MYEOV: variants seen among roughly 807,000 people sequenced by gnomAD.
MYEOV encodes the protein myeloma overexpressed, also known as myeloma-overexpressed gene protein.
A neutral mutation model predicts 4.5 loss-of-function variants in MYEOV; 4 were observed. That is an observed-to-expected ratio of 0.89 (90% CI 0.44 to 2.03). MYEOV has a LOEUF of 2.03. Ranked by LOEUF, MYEOV falls within the 30% of genes most tolerant of loss-of-function variation. MYEOV has a pLI of 0.03. For missense variants in MYEOV, 408 were observed against 412.8 expected, an observed-to-expected ratio of 0.99 and a Z score of 0.10; for synonymous variants, 184 against 170.3, an observed-to-expected ratio of 1.08 and a Z score of -0.63.
rs1855221823 is a variant in MYEOV, at chr11:69,297,172, C to G, written c.*780C>G. On this transcript the variant is annotated 3_prime_UTR_variant, in exon 3 of 3. Coordinates refer to ENST00000441339, the MANE Select transcript of MYEOV (RefSeq NM_001293291.2). Reference sequence around the variant, plus strand: ...CACCACATTAGCTCAGGGGTTTGGGCATTTTTGTCGCCGTCTCCTTTGGGC... The same window carrying G: ...CACCACATTAGCTCAGGGGTTTGGGGATTTTTGTCGCCGTCTCCTTTGGGC... 1 of 152,240 alleles carries G rather than the reference C, an allele frequency of 6.6e-6. No individual in the cohort carries two copies. The highest frequency in any genetic ancestry group is 2.4e-5 in the African/African-American group (1 of 41,450). The allele number at this position is 152,240 out of a possible 1,614,324, so 9.4% of individuals were successfully genotyped here.
In MYEOV at chr11:69,296,057, C is replaced by G. The variant is rs779920752; in HGVS notation, c.607C>G (p.Leu203Val). 2 of 1,614,028 alleles carry G rather than the reference C, an allele frequency of 1.2e-6. No individual in the cohort carries two copies. The highest frequency in any genetic ancestry group is 1.7e-6 in the Non-Finnish European group (2 of 1,180,038). The change falls in exon 3 of 3, where the codon CTG becomes GTG. Residue 203 changes from leucine (L) to valine (V), a missense_variant. Transcript: ENST00000441339. ...TATGTGGGCGCGAATGGATGTGGCT[C>G]TGCGCTCACCTGGGCGAGGACTTCT... ...EIMWARMDVA[L>V]RSPGRGLLAG...
chr11:69,294,951 G>A (rs1233480273), intron 1 of MYEOV, among the ~76,000 whole-genome samples: 1 of 152,220 alleles, frequency 6.6e-6, no homozygotes, highest in Non-Finnish European at 1.5e-5. Flanking sequence ...CGTCCCCATG[G>A]TCCCTAGAGG....
rs1261710875 is a variant in MYEOV at position 69,296,463 on chromosome 11, C to G, written c.*71C>G. On this transcript the variant is annotated 3_prime_UTR_variant, in exon 3 of 3. Coordinates refer to ENST00000441339, the MANE Select transcript of MYEOV (RefSeq NM_001293291.2). Reference sequence around the variant, plus strand: ...TCCTCAGAATGACTCCATGAGGTAGCTACTAAAACCCCCCACTTAACAGAT... The same window carrying G: ...TCCTCAGAATGACTCCATGAGGTAGGTACTAAAACCCCCCACTTAACAGAT... 6.9e-6 allele frequency: 7 copies of G among 1,011,486 alleles called. No individual in the cohort carries two copies. In the African/African-American group the frequency reaches 9.8e-5, roughly 14 times the overall value. 62.7% of individuals were successfully genotyped at this position (1,011,486 alleles called of 1,614,324 possible).
In MYEOV at chr11:69,295,117, C is replaced by A. The variant is rs537572776; in HGVS notation, c.-122-116C>A. The A allele has an allele frequency of 1.6e-6, 1 of 608,490 alleles. No homozygotes were observed. Among genetic ancestry groups the A allele is most frequent in the Non-Finnish European group, 2.8e-6 (1 of 363,064 alleles). 37.7% of individuals were successfully genotyped at this position (608,490 alleles called of 1,614,324 possible). On this transcript the variant is annotated intron_variant, in intron 1 of 2. Transcript: ENST00000441339. The surrounding 1 kb of genome is among the most constrained non-coding windows in gnomAD (Gnocchi z 4.1). ...TCATGAGGTGAAAACGTGAAGGGACCCTAGAGGCCATGGGGACCCAGGCAC... is the reference window on the plus strand; with the variant it reads ...TCATGAGGTGAAAACGTGAAGGGACACTAGAGGCCATGGGGACCCAGGCAC...
Position 69,296,467 on chromosome 11 carries a change from T to A in MYEOV, c.*75T>A. On this transcript the variant is annotated 3_prime_UTR_variant, in exon 3 of 3. Coordinates refer to ENST00000441339, the MANE Select transcript of MYEOV (RefSeq NM_001293291.2). Reference sequence around the variant, plus strand: ...CAGAATGACTCCATGAGGTAGCTACTAAAACCCCCCACTTAACAGATGAGG... The same window carrying A: ...CAGAATGACTCCATGAGGTAGCTACAAAAACCCCCCACTTAACAGATGAGG... 1 of 984,266 alleles carries A rather than the reference T, an allele frequency of 1.0e-6. No individual in the cohort carries two copies. Among genetic ancestry groups the A allele is most frequent in the Non-Finnish European group, 1.4e-6 (1 of 689,876 alleles). The allele number at this position is 984,266 out of a possible 1,614,324, so 61.0% of individuals were successfully genotyped here. A position where few individuals can be genotyped will look rare whatever the true frequency, so the allele number is the denominator to read the frequency against.
chr11:69,295,924 G>T lies in MYEOV; in HGVS notation c.474G>T (p.Arg158Ser), dbSNP rs775458770. 1 of 1,614,156 alleles carries T rather than the reference G, an allele frequency of 6.2e-7. No homozygotes were observed. The highest frequency in any genetic ancestry group is 8.5e-7 in the Non-Finnish European group (1 of 1,180,018). Residue 158 changes from arginine to serine, a missense_variant, in exon 3 of 3, where the codon AGG becomes AGT. Arg to Ser is a moderately radical substitution (Grantham distance 110). Coordinates refer to ENST00000441339, the MANE Select transcript of MYEOV (RefSeq NM_001293291.2). The surrounding 1 kb of genome is among the most constrained non-coding windows in gnomAD (Gnocchi z 4.1). ...GGAATTCTGGGAGTCAGTCTGCAAG[G>T]GTGGTGGGCGTTGCTCACCTGGGAG... is the stretch of plus-strand genomic sequence containing the variant. The part of the protein sequence containing the change: ...GNRNSGSQSA[R>S]VVGVAHLGEA...
At position 69,296,023 on chromosome 11, in the gene MYEOV, C is replaced by G; in HGVS notation, c.573C>G (p.Ser191=). ...AGGTGCATGGGCGGCATGGGCTCTC[C>G]ATGGAAATTATGTGGGCGCGAATGG... ...PEEVHGRHGL[S]MEIMWARMDV... The change falls in exon 3 of 3, where the codon TCC becomes TCG. Residue 191 remains serine, a synonymous_variant. Coordinates refer to ENST00000441339, the MANE Select transcript of MYEOV (RefSeq NM_001293291.2). 1 of 1,614,100 alleles carries G rather than the reference C, an allele frequency of 6.2e-7. No homozygotes were observed. Among genetic ancestry groups the G allele is most frequent in the Non-Finnish European group, 8.5e-7 (1 of 1,180,000 alleles).
rs140338946 is a variant in MYEOV, at chr11:69,296,092, C to T, written c.642C>T (p.Ala214=). The T allele has an allele frequency of 3.2e-4, 516 of 1,614,154 alleles. 4 individuals carry two copies. In the African/African-American group the frequency reaches 5.7e-3, roughly 18 times the overall value. ...RSPGRGLLAG[A]GALCMTLAES... ...CTGGGCGAGGACTTCTGGCCGGTGC[C>T]GGGGCACTCTGCATGACCCTGGCAG... Residue 214 remains alanine, a synonymous_variant, in exon 3 of 3, where the codon GCC becomes GCT. Transcript: ENST00000441339.
rs1482743387 is a variant in MYEOV at position 69,294,310 on chromosome 11, C to A, written c.-389C>A. ...TTGGACAGAGGGCGGGAGATGCCAT[C>A]CCCACTGAACCCAGTGCTTTCACCA... On this transcript the variant is annotated 5_prime_UTR_variant, in exon 1 of 3. Transcript: ENST00000441339. 1 of 152,248 alleles carries A rather than the reference C, an allele frequency of 6.6e-6. No homozygotes were observed. The highest frequency in any genetic ancestry group is 6.5e-5 in the Admixed American group (1 of 15,274). 9.4% of individuals were successfully genotyped at this position (152,248 alleles called of 1,614,324 possible). A position where few individuals can be genotyped will look rare whatever the true frequency, so the allele number is the denominator to read the frequency against.
chr11:69,295,148 G>T lies in MYEOV; in HGVS notation c.-122-85G>T. On this transcript the variant is annotated intron_variant, in intron 1 of 2. Transcript: ENST00000441339. This position sits in a 1 kb window ranked among gnomAD's most constrained non-coding sequence, Gnocchi z 4.1. The stretch of plus-strand genomic sequence containing the variant: ...GGCCATGGGGACCCAGGCACAGAGC[G>T]GCGGCCTCTCATCCTCCCCATGGTC... The T allele has an allele frequency of 1.3e-6, 1 of 767,176 alleles. No homozygotes were observed. Among genetic ancestry groups the T allele is most frequent in the South Asian group, 1.9e-5 (1 of 52,896 alleles). The allele number at this position is 767,176 out of a possible 1,614,324, so 47.5% of individuals were successfully genotyped here.
rs1160940686 is a variant in MYEOV at position 69,297,286 on chromosome 11, C to T, written c.*894C>T. ...AAACCAAGACTTCCGTTCTGGCTCT[C>T]ACTCTAGTTTCCTGGTGCATTTTTT... On this transcript the variant is annotated 3_prime_UTR_variant, in exon 3 of 3. Coordinates refer to ENST00000441339, the MANE Select transcript of MYEOV (RefSeq NM_001293291.2). The T allele has an allele frequency of 6.6e-6, 1 of 152,138 alleles. No homozygotes were observed. Among genetic ancestry groups the T allele is most frequent in the East Asian group, 1.9e-4 (1 of 5,188 alleles). 9.4% of individuals were successfully genotyped at this position (152,138 alleles called of 1,614,324 possible). A position where few individuals can be genotyped will look rare whatever the true frequency, so the allele number is the denominator to read the frequency against.
Position 69,295,244 on chromosome 11 carries a change from G to A in MYEOV, c.-111G>A. The A allele has an allele frequency of 6.9e-7, 1 of 1,446,076 alleles. No individual in the cohort carries two copies. Among genetic ancestry groups the A allele is most frequent in the Non-Finnish European group, 9.2e-7 (1 of 1,082,214 alleles). The allele number at this position is 1,446,076 out of a possible 1,614,324, so 89.6% of individuals were successfully genotyped here. ...TTCCTTCTCCTCAGAGTCCATTCAG[G>A]AGCAGGAAAGTTCATCTCAGACCCT... On this transcript the variant is annotated 5_prime_UTR_variant, in exon 2 of 3. Coordinates refer to ENST00000441339, the MANE Select transcript of MYEOV (RefSeq NM_001293291.2). The surrounding 1 kb of genome is among the most constrained non-coding windows in gnomAD (Gnocchi z 4.1).
rs1003842469 is a variant in MYEOV at position 69,294,383 on chromosome 11, A to T, written c.-316A>T. On this transcript the variant is annotated 5_prime_UTR_variant, in exon 1 of 3. Coordinates refer to ENST00000441339, the MANE Select transcript of MYEOV (RefSeq NM_001293291.2). The stretch of plus-strand genomic sequence containing the variant: ...CCCCGTCGTGGAAGCCTCGGCCGTC[A>T]CACCTGCAGGGCCGGGGCGTGCATG... 1 of 152,332 alleles carries T rather than the reference A, an allele frequency of 6.6e-6. No individual in the cohort carries two copies. The highest frequency in any genetic ancestry group is 1.5e-5 in the Non-Finnish European group (1 of 68,158). 9.4% of individuals were successfully genotyped at this position (152,332 alleles called of 1,614,324 possible).
chr11:69,295,147 C>T lies in MYEOV; in HGVS notation c.-122-86C>T, dbSNP rs913671736. The T allele has an allele frequency of 2.8e-5, 21 of 761,596 alleles. No homozygotes were observed. The highest frequency in any genetic ancestry group is 2.2e-4 in the East Asian group (8 of 35,830). 47.2% of individuals were successfully genotyped at this position (761,596 alleles called of 1,614,324 possible). A position where few individuals can be genotyped will look rare whatever the true frequency, so the allele number is the denominator to read the frequency against. ...AGGCCATGGGGACCCAGGCACAGAG[C>T]GGCGGCCTCTCATCCTCCCCATGGT... On this transcript the variant is annotated intron_variant, in intron 1 of 2. Transcript: ENST00000441339. This position sits in a 1 kb window ranked among gnomAD's most constrained non-coding sequence, Gnocchi z 4.1.
At position 69,295,292 on chromosome 11, in the gene MYEOV, G is replaced by A. The variant is rs984307901; in HGVS notation, c.-63G>A. 137 of 1,539,992 alleles carry A rather than the reference G, an allele frequency of 8.9e-5. No individual in the cohort carries two copies. The highest frequency in any genetic ancestry group is 2.7e-4 in the South Asian group (22 of 82,198). ...CCTAAATCCAGCCACGTCATGCCACGCTTAACACCTCTAACAACTTCCCCT... is the reference window on the plus strand; with the variant it reads ...CCTAAATCCAGCCACGTCATGCCACACTTAACACCTCTAACAACTTCCCCT... On this transcript the variant is annotated 5_prime_UTR_variant, in exon 2 of 3. Transcript: ENST00000441339. The surrounding 1 kb of genome is among the most constrained non-coding windows in gnomAD (Gnocchi z 4.1).
Position 69,295,639 on chromosome 11 carries a change from G to A in MYEOV, c.189G>A (p.Gln63=), listed in dbSNP as rs201337397. 1 of 1,614,178 alleles carries A rather than the reference G, an allele frequency of 6.2e-7. No individual in the cohort carries two copies. Among genetic ancestry groups the A allele is most frequent in the African/African-American group, 1.3e-5 (1 of 75,062 alleles). Residue 63 remains glutamine (Q), a synonymous_variant, in exon 3 of 3, where the codon CAG becomes CAA. Transcript: ENST00000441339. The surrounding 1 kb of genome is among the most constrained non-coding windows in gnomAD (Gnocchi z 4.1). ...ACTCGTTGCTCATGTTCACCCGGCAGGCTGGACACTTCGTGGAGGGCTCCA... is the reference window on the plus strand; with the variant it reads ...ACTCGTTGCTCATGTTCACCCGGCAAGCTGGACACTTCGTGGAGGGCTCCA... ...DRDSLLMFTR[Q]AGHFVEGSKA...
chr11:69,296,662 G>A lies in MYEOV; in HGVS notation c.*270G>A. ...AGGTGCAGGCATGAGCCAGGTGCTGGGAAAATCATGATAACCCAGCTCCTT... is the reference window on the plus strand; with the variant it reads ...AGGTGCAGGCATGAGCCAGGTGCTGAGAAAATCATGATAACCCAGCTCCTT... On this transcript the variant is annotated 3_prime_UTR_variant, in exon 3 of 3. Transcript: ENST00000441339. 1 of 395,186 alleles carries A rather than the reference G, an allele frequency of 2.5e-6. No homozygotes were observed. The highest frequency in any genetic ancestry group is 3.7e-5 in the East Asian group (1 of 27,034). The allele number at this position is 395,186 out of a possible 1,614,324, so 24.5% of individuals were successfully genotyped here. A position where few individuals can be genotyped will look rare whatever the true frequency, so the allele number is the denominator to read the frequency against.
At position 69,295,732 on chromosome 11, in the gene MYEOV, TG is replaced by T; in HGVS notation, c.283del (p.Val95CysfsTer125). On this transcript the variant is annotated frameshift_variant, in exon 3 of 3. Transcript: ENST00000441339. This position sits in a 1 kb window ranked among gnomAD's most constrained non-coding sequence, Gnocchi z 4.1. ...ALRVAVRGAF[V>X]SLWFAAGAGD... The stretch of plus-strand genomic sequence containing the variant: ...TGCGTGTTGCGGTGAGAGGAGCATT[TG>T]TGTCTCTGTGGTTTGCTGCTGGAGC... The T allele has an allele frequency of 3.1e-6, 5 of 1,614,114 alleles. No homozygotes were observed. Among genetic ancestry groups the T allele is most frequent in the Non-Finnish European group, 4.2e-6 (5 of 1,180,026 alleles).
rs949577925 is a variant in MYEOV, at chr11:69,296,984, C to G, written c.*592C>G. The G allele has an allele frequency of 6.6e-6, 1 of 152,348 alleles. No homozygotes were observed. Among genetic ancestry groups the G allele is most frequent in the East Asian group, 1.9e-4 (1 of 5,188 alleles). 9.4% of individuals were successfully genotyped at this position (152,348 alleles called of 1,614,324 possible). On this transcript the variant is annotated 3_prime_UTR_variant, in exon 3 of 3. Transcript: ENST00000441339. ...CCCAACCAATTCAGTATTTTTCTCC[C>G]CATTTTCCAGGGAGAAATCTAAGGC...
Sources: allele counts gnomAD v4.1 joint callset (sites outside exome capture counted in the v4.1 genomes callset), GRCh38; gene constraint gnomAD v4.1.1; non-coding constraint Gnocchi (gnomAD v3.1); transcripts MANE v1.5; gene names NCBI Gene and HGNC (gene_info 2026-07-23, HGNC 2026-07-21).